Variants in ERMP1 observed in about 807,000 individuals in gnomAD.
ERMP1 encodes endoplasmic reticulum metallopeptidase 1, also known as Felix-ina.
A neutral mutation model predicts 92.0 loss-of-function variants in ERMP1; 86 were observed. That is an observed-to-expected ratio of 0.93 (90% CI 0.79 to 1.12). ERMP1 has a LOEUF of 1.12. Ranked by LOEUF, ERMP1 falls within the 50% of genes most tolerant of loss-of-function variation. ERMP1 has a pLI of 0.00. For missense variants in ERMP1, 1,342 were observed against 1,116.3 expected (o/e 1.20, Z -2.88); for synonymous variants, 530 against 412.8 (o/e 1.28, Z -3.44).
intron 6 of ERMP1, among the ~76,000 whole-genome samples, chr9:5,859,144 C>T (rs980002422): frequency 6.6e-6 from 1 of 152,174 alleles, no homozygotes; most frequent in African/African-American, 2.4e-5. Flanking sequence ...TCTCTGTGTT[C>T]CTTTTCCATT....
intron 5 of ERMP1, among the ~76,000 whole-genome samples, chr9:5,862,702 G>A (rs1445916159): frequency 6.6e-6 from 1 of 152,020 alleles, no homozygotes; most frequent in African/African-American, 2.4e-5. Flanking sequence ...CAAAACCCTT[G>A]TATTATCATC....
rs1253901527 is a variant in ERMP1 at position 5,832,769 on chromosome 9, G to C, written c.259C>G (p.Leu87Val). ...LALYLIALRT[L>V]VQLSLQQLVL... ...AGCTGCTGCAGCGAGAGCTGCACCA[G>C]CGTCCGCAGCGCGATCAGGTAGAGC... Residue 87 changes from leucine to valine, a missense_variant, in exon 1 of 15, where the codon CTG (leucine) becomes GTG (valine). Physicochemically the swap from Leu to Val is conservative, Grantham distance 32 (BLOSUM62 1). Coordinates refer to ENST00000339450, the MANE Select transcript of ERMP1 (RefSeq NM_024896.3). 9 of 1,499,444 alleles carry C rather than the reference G, an allele frequency of 6.0e-6. No individual in the cohort carries two copies. Among genetic ancestry groups the C allele is most frequent in the East Asian group, 2.8e-5 (1 of 35,586 alleles). 92.9% of individuals were successfully genotyped at this position (1,499,444 alleles called of 1,614,324 possible). A position where few individuals can be genotyped will look rare whatever the true frequency, so the allele number is the denominator to read the frequency against.
intron 5 of ERMP1, chr9:5,812,627 T>C: frequency 2.0e-6 from 1 of 503,102 alleles, no homozygotes; most frequent in Non-Finnish European, 3.6e-6. Context: ...AAGGATCTAT[T>C]ACCATCTTTT....
intron 6 of ERMP1, among the ~76,000 whole-genome samples, chr9:5,848,061 G>C (rs760169016): frequency 6.6e-6 from 1 of 152,174 alleles, no homozygotes; most frequent in Non-Finnish European, 1.5e-5. Context: ...AAATGGCTGA[G>C]GTGGGATCTG....
At chr9:5,794,727 A>G (rs1828344049) in intron 13 of ERMP1, among the ~76,000 whole-genome samples, 4 of 152,336 alleles carry the variant, frequency 2.6e-5, no homozygotes, top group South Asian at 4.1e-4. Flanking sequence ...ACAGGCCTGT[A>G]TCTATTAAAG....
chr9:5,846,206 G>A lies in ERMP1; in HGVS notation n.3200-12894C>T, dbSNP rs1350037423. On this transcript the variant is annotated intron_variant and non_coding_transcript_variant, in intron 6 of 6. Coordinates refer to the ERMP1 transcript ENST00000690753. ...AGGTAAGGCCAGAGGCAAGGCCAGGGACAGCAAGCAAAAGCAGCCTGCATC... is the reference window on the plus strand; with the variant it reads ...AGGTAAGGCCAGAGGCAAGGCCAGGAACAGCAAGCAAAAGCAGCCTGCATC... Among the ~76,000 whole-genome samples the A allele has an allele frequency of 1.3e-5, 2 of 152,246 alleles. 1 individual carries two copies. Among genetic ancestry groups the A allele is most frequent in the Middle Eastern group, 6.8e-3 (2 of 294 alleles).
chr9:5,813,817 G>C (rs1180232219), intron 4 of ERMP1, among the ~76,000 whole-genome samples: 1 of 149,786 alleles, frequency 6.7e-6, no homozygotes, highest in Admixed American at 6.7e-5. Context: ...TCAAATGGGA[G>C]TTTTTCCTGT....
intron 2 of ERMP1, among the ~76,000 whole-genome samples, chr9:5,826,868 T>G (rs1489114587): frequency 1.3e-5 from 2 of 152,224 alleles, no homozygotes; most frequent in Non-Finnish European, 2.9e-5. Context: ...ATTAAAAAGT[T>G]AAACTGTCCA....
At chr9:5,787,362 C>T in intron 14 of ERMP1, 54 bp from the exon 15 acceptor site, 1 of 1,602,378 alleles carries the variant, frequency 6.2e-7, no homozygotes, top group Non-Finnish European at 8.5e-7. Context: ...AATACTGAAC[C>T]CAAGGTTCTT....
At chr9:5,809,609 T>G (rs1829012313) in intron 8 of ERMP1, among the ~76,000 whole-genome samples, 1 of 152,234 alleles carries the variant, frequency 6.6e-6, no homozygotes, top group Admixed American at 6.5e-5. Flanking sequence ...AGACACTACC[T>G]AAGCACAGAG....
chr9:5,833,150 T>C, upstream of ERMP1: 1 of 885,456 alleles, frequency 1.1e-6, no homozygotes, highest in Non-Finnish European at 1.6e-6. Flanking sequence ...AGGGCCAAAC[T>C]TCTTCTGATT....
chr9:5,836,406 T>A (rs1808395768), upstream of ERMP1, among the ~76,000 whole-genome samples: 1 of 152,232 alleles, frequency 6.6e-6, no homozygotes, highest in South Asian at 2.1e-4. Context: ...AGCCAAGAGA[T>A]GAGAAGTGAG....
At chr9:5,834,510 T>C (rs1011028470), upstream of ERMP1, among the ~76,000 whole-genome samples, 5 of 152,198 alleles carry the variant, frequency 3.3e-5, no homozygotes, top group African/African-American at 7.2e-5. Context: ...TAGATATTTC[T>C]TGAGTGAATG....
At chr9:5,801,154 T>C in intron 11 of ERMP1, 22 bp downstream of exon 11, 1 of 1,597,952 alleles carries the variant, frequency 6.3e-7, no homozygotes. Context: ...AGATCTCAAA[T>C]ACCTCATGCA....
intron 5 of ERMP1, among the ~76,000 whole-genome samples, chr9:5,860,918 T>C (rs951599476): frequency 2.0e-5 from 3 of 152,136 alleles, no homozygotes; most frequent in African/African-American, 7.2e-5. Context: ...CTCCACCCTC[T>C]CTCACTCTCT....
intron 2 of ERMP1, among the ~76,000 whole-genome samples, chr9:5,828,268 A>G (rs1163263867): frequency 1.3e-5 from 2 of 152,248 alleles, no homozygotes; most frequent in Non-Finnish European, 2.9e-5. Flanking sequence ...TATGCACTCC[A>G]AAATATGTCA....
intron 2 of ERMP1, 97 bp downstream of exon 2, chr9:5,830,630 G>C: frequency 1.1e-6 from 1 of 928,308 alleles, no homozygotes; most frequent in East Asian, 2.5e-5. Context: ...GTTTGCCCAA[G>C]AAAATGGTCC....
chr9:5,792,588 C>T (rs939348412), intron 13 of ERMP1, among the ~76,000 whole-genome samples: 2 of 152,048 alleles, frequency 1.3e-5, no homozygotes, highest in African/African-American at 2.4e-5. Context: ...AAGACTTAAA[C>T]TTTAGGGCAA....
Position 5,798,997 on chromosome 9 carries a change from T to G in ERMP1, c.2079A>C (p.Arg693Ser). ...PKRVFLQHMT[R>S]TFHDLEGNAV... ...CATTTCCTTCCAAGTCATGGAATGT[T>G]CTAGTCATATGCTGAAAAAAAAAGA... is the stretch of plus-strand genomic sequence containing the variant. The change falls in exon 12 of 15, where the codon AGA becomes AGC. Residue 693 changes from arginine (R) to serine (S), a missense_variant. Physicochemically the swap from Arg to Ser is moderately radical, Grantham distance 110. Coordinates refer to ENST00000339450, the MANE Select transcript of ERMP1 (RefSeq NM_024896.3). 6.2e-7 allele frequency: 1 copy of G among 1,613,194 alleles called. No individual in the cohort carries two copies.
Sources: allele counts gnomAD v4.1 joint callset (sites outside exome capture counted in the v4.1 genomes callset), GRCh38; gene constraint gnomAD v4.1.1; transcripts MANE v1.5; gene names NCBI Gene and HGNC (gene_info 2026-07-23, HGNC 2026-07-21).